SPEM1: variants seen among roughly 807,000 people sequenced by gnomAD.
SPEM1 encodes the protein spermatid maturation 1, also known as spermatid maturation protein 1.
In SPEM1, 10 loss-of-function variants were observed where a neutral mutation model predicts 9.0. The observed-to-expected ratio is 1.11, with a 90% CI of 0.68 to 1.88. The LOEUF is 1.88. Ranked by LOEUF, SPEM1 falls within the 40% of genes most tolerant of loss-of-function variation. The probability of loss-of-function intolerance (pLI) is 0.00; values close to 1 mark genes in which losing one functional copy is unlikely to be tolerated. For synonymous variants in SPEM1, 175 were observed against 157.8 expected (o/e 1.11, Z -0.82); for missense variants, 401 against 408.6 (o/e 0.98, Z 0.16).
rs766297218 is a variant in SPEM1 at position 7,421,437 on chromosome 17, C to T, written c.762C>T (p.His254=). 6.2e-7 allele frequency: 1 copy of T among 1,609,310 alleles called. No homozygotes were observed. Among genetic ancestry groups the T allele is most frequent in the Non-Finnish European group, 8.5e-7 (1 of 1,176,868 alleles). ...CAGTCATCCCTGAATTTTCCCGGCA[C>T]CGCTCCTCAGGCCGAATAGTGTATG... ...GPAVIPEFSR[H]RSSGRIVYDA... The change falls in exon 3 of 3, where the codon CAC becomes CAT. Residue 254 remains histidine (H), a synonymous_variant. Transcript: ENST00000323675. The surrounding 1 kb of genome is among the most constrained non-coding windows in gnomAD (Gnocchi z 4.8).
chr17:7,420,970 C>T lies in SPEM1; in HGVS notation c.295C>T (p.Pro99Ser). ...AGTCCATCTTCGGTGCACCATGGAC[C>T]CTGTGATGATGACTGTGTCCCCGCC... ...PAVHLRCTMDPVMMTVSPPPA... is the reference protein window; with the variant it reads ...PAVHLRCTMDSVMMTVSPPPA... Residue 99 changes from proline to serine, a missense_variant, in exon 3 of 3, where the codon CCT becomes TCT. Transcript: ENST00000323675. The T allele has an allele frequency of 6.2e-7, 1 of 1,614,086 alleles. No individual in the cohort carries two copies. The highest frequency in any genetic ancestry group is 8.5e-7 in the Non-Finnish European group (1 of 1,180,008).
chr17:7,421,522 G>A lies in SPEM1; in HGVS notation c.847G>A (p.Gly283Ser), dbSNP rs765266826. 1.3e-5 allele frequency: 21 copies of A among 1,602,216 alleles called. No homozygotes were observed. In the South Asian group the frequency reaches 1.6e-4, roughly 12 times the overall value. Reference sequence around the variant, plus strand: ...GACCCGGGAGGTGGAGGCCCTGTCCGGCTGCTACCCCCTAGCCTCTGGATC... The same window carrying A: ...GACCCGGGAGGTGGAGGCCCTGTCCAGCTGCTACCCCCTAGCCTCTGGATC... ...ELTREVEALS[G>S]CYPLASGSST... The change falls in exon 3 of 3, where the codon GGC (glycine) becomes AGC (serine). Residue 283 changes from glycine (G) to serine (S), a missense_variant. Physicochemically the swap from Gly to Ser is moderately conservative, Grantham distance 56. Transcript: ENST00000323675. The surrounding 1 kb of genome is among the most constrained non-coding windows in gnomAD (Gnocchi z 4.8).
At position 7,421,502 on chromosome 17, in the gene SPEM1, G is replaced by A. The variant is rs1322561086; in HGVS notation, c.827G>A (p.Arg276Gln). The change falls in exon 3 of 3, where the codon CGG becomes CAG. Residue 276 changes from arginine (R) to glutamine (Q), a missense_variant. Transcript: ENST00000323675. This position sits in a 1 kb window ranked among gnomAD's most constrained non-coding sequence, Gnocchi z 4.8. ...DMRRRLRELT[R>Q]EVEALSGCYP... ...AGACGGCGGCTTCGGGAACTGACCC[G>A]GGAGGTGGAGGCCCTGTCCGGCTGC... The A allele has an allele frequency of 1.2e-5, 19 of 1,608,774 alleles. No homozygotes were observed. The highest frequency in any genetic ancestry group is 5.0e-5 in the Admixed American group (3 of 59,852).
In SPEM1 at chr17:7,420,881, A is replaced by G; in HGVS notation, c.206A>G (p.Glu69Gly). The G allele has an allele frequency of 1.2e-6, 2 of 1,613,320 alleles. No homozygotes were observed. Among genetic ancestry groups the G allele is most frequent in the Non-Finnish European group, 1.7e-6 (2 of 1,179,770 alleles). The change falls in exon 3 of 3, where the codon GAA becomes GGA. Residue 69 changes from glutamate (E) to glycine (G), a missense_variant and splice_region_variant. Physicochemically the swap from Glu to Gly is moderately conservative, Grantham distance 98 (BLOSUM62 -2). Transcript: ENST00000323675. ...AGTCTCACCTCTCCCCCATCCACAG[A>G]AGCTCCCAAGTCATCATTACTCAGA... ...QVFHDTICEKEAPKSSLLRKQ... is the reference protein window; with the variant it reads ...QVFHDTICEKGAPKSSLLRKQ...
chr17:7,420,382 C>T lies in SPEM1; in HGVS notation c.-3C>T, dbSNP rs1316067872. ...TAAGGGCCCCGGTGGTCCTAGGGAC[C>T]CCATGGCCATGGTTGAGCGGCCGAG... On this transcript the variant is annotated 5_prime_UTR_variant, in exon 1 of 3. Coordinates refer to ENST00000323675, the MANE Select transcript of SPEM1 (RefSeq NM_199339.3). 2.0e-6 allele frequency: 3 copies of T among 1,514,426 alleles called. No homozygotes were observed. In the East Asian group the frequency reaches 7.2e-5, roughly 36 times the overall value. 93.8% of individuals were successfully genotyped at this position (1,514,426 alleles called of 1,614,324 possible).
chr17:7,421,178 C>G lies in SPEM1; in HGVS notation c.503C>G (p.Ser168Cys), dbSNP rs1285910234. 2.5e-6 allele frequency: 4 copies of G among 1,613,808 alleles called. No individual in the cohort carries two copies. Reference protein sequence around the residue: ...QHTQGTWVPWSQDAPESPPQT... With the variant: ...QHTQGTWVPWCQDAPESPPQT... ...ACTCAGGGGACCTGGGTTCCCTGGT[C>G]TCAGGATGCCCCAGAGTCCCCTCCC... is the stretch of plus-strand genomic sequence containing the variant. The change falls in exon 3 of 3, where the codon TCT becomes TGT. Residue 168 changes from serine (S) to cysteine (C), a missense_variant. Coordinates refer to ENST00000323675, the MANE Select transcript of SPEM1 (RefSeq NM_199339.3). The surrounding 1 kb of genome is among the most constrained non-coding windows in gnomAD (Gnocchi z 4.8).
Position 7,421,353 on chromosome 17 carries a change from G to A in SPEM1, c.678G>A (p.Ala226=), listed in dbSNP as rs369245182. 3.8e-5 allele frequency: 62 copies of A among 1,613,372 alleles called. No homozygotes were observed. The highest frequency in any genetic ancestry group is 1.3e-4 in the Admixed American group (8 of 59,960). The change falls in exon 3 of 3, where the codon GCG becomes GCA. Residue 226 remains alanine, a synonymous_variant. Transcript: ENST00000323675. This position sits in a 1 kb window ranked among gnomAD's most constrained non-coding sequence, Gnocchi z 4.8. ...GCCACAAGAACGGTGGGGAGGGGGC[G>A]GTGCCAGAGGCAGAGGCGGCTCAGT... ...APSHKNGGEG[A]VPEAEAAQYQ...
At position 7,421,346 on chromosome 17, in the gene SPEM1, A is replaced by AG. The variant is rs1907396250; in HGVS notation, c.676dup (p.Ala226GlyfsTer25). ...GCTCCTAGCCACAAGAACGGTGGGG[A>AG]GGGGGCGGTGCCAGAGGCAGAGGCG... On this transcript the variant is annotated frameshift_variant, in exon 3 of 3. Transcript: ENST00000323675. LOFTEE classifies it low-confidence loss of function (END_TRUNC). This position sits in a 1 kb window ranked among gnomAD's most constrained non-coding sequence, Gnocchi z 4.8. The AG allele has an allele frequency of 1.2e-6, 2 of 1,613,696 alleles. No individual in the cohort carries two copies. Among genetic ancestry groups the AG allele is most frequent in the East Asian group, 4.5e-5 (2 of 44,878 alleles).
chr17:7,421,234 G>A lies in SPEM1; in HGVS notation c.559G>A (p.Glu187Lys), dbSNP rs1414265254. Residue 187 changes from glutamate (E) to lysine (K), a missense_variant, in exon 3 of 3, where the codon GAA becomes AAA. Coordinates refer to ENST00000323675, the MANE Select transcript of SPEM1 (RefSeq NM_199339.3). This position sits in a 1 kb window ranked among gnomAD's most constrained non-coding sequence, Gnocchi z 4.8. ...CATCCGCTTCCAGCCTACCGTAGAG[G>A]AAAGGCCCCTCAAAACAGGCATATG... ...QTIRFQPTVE[E>K]RPLKTGIWSE... The A allele has an allele frequency of 1.2e-6, 2 of 1,614,158 alleles. No homozygotes were observed. Among genetic ancestry groups the A allele is most frequent in the Admixed American group, 3.3e-5 (2 of 60,022 alleles).
rs765723181 is a variant in SPEM1, at chr17:7,421,028, C to T, written c.353C>T (p.Pro118Leu). The T allele has an allele frequency of 1.1e-5, 18 of 1,614,150 alleles. No individual in the cohort carries two copies. The South Asian group carries it at 2.0e-4, about 18-fold the overall frequency. ...CACCGCCATCGCCGTCGAGGCTCTCCCACACGCTGTGCTCACTGCCCAGTA... is the reference window on the plus strand; with the variant it reads ...CACCGCCATCGCCGTCGAGGCTCTCTCACACGCTGTGCTCACTGCCCAGTA... ...PAHRHRRRGSPTRCAHCPVAW... is the reference protein window; with the variant it reads ...PAHRHRRRGSLTRCAHCPVAW... The change falls in exon 3 of 3, where the codon CCC (proline) becomes CTC (leucine). Residue 118 changes from proline to leucine, a missense_variant. Physicochemically the swap from Pro to Leu is moderately conservative, Grantham distance 98. Transcript: ENST00000323675. The surrounding 1 kb of genome is among the most constrained non-coding windows in gnomAD (Gnocchi z 4.8).
Position 7,421,239 on chromosome 17 carries a change from G to A in SPEM1, c.564G>A (p.Arg188=), listed in dbSNP as rs773704585. ...GCTTCCAGCCTACCGTAGAGGAAAG[G>A]CCCCTCAAAACAGGCATATGGTCCG... ...TIRFQPTVEE[R]PLKTGIWSEL... Residue 188 remains arginine (R), a synonymous_variant, in exon 3 of 3, where the codon AGG becomes AGA. Coordinates refer to ENST00000323675, the MANE Select transcript of SPEM1 (RefSeq NM_199339.3). This position sits in a 1 kb window ranked among gnomAD's most constrained non-coding sequence, Gnocchi z 4.8. 11 of 1,613,974 alleles carry A rather than the reference G, an allele frequency of 6.8e-6. No individual in the cohort carries two copies. Among genetic ancestry groups the A allele is most frequent in the Non-Finnish European group, 9.3e-6 (11 of 1,180,024 alleles).
chr17:7,420,515 A>G lies in SPEM1; in HGVS notation c.131A>G (p.Asn44Ser), dbSNP rs1907347452. 5 of 1,613,120 alleles carry G rather than the reference A, an allele frequency of 3.1e-6. No individual in the cohort carries two copies. Among genetic ancestry groups the G allele is most frequent in the South Asian group, 1.1e-5 (1 of 91,032 alleles). The change falls in exon 1 of 3, where the codon AAT (asparagine) becomes AGT (serine). Residue 44 changes from asparagine to serine, a missense_variant. Physicochemically the swap from Asn to Ser is conservative, Grantham distance 46. Coordinates refer to ENST00000323675, the MANE Select transcript of SPEM1 (RefSeq NM_199339.3). Reference protein sequence around the residue: ...GLIICINISINIVTLLWSRFR... With the variant: ...GLIICINISISIVTLLWSRFR... The stretch of plus-strand genomic sequence containing the variant: ...ATCATCTGCATTAACATTAGCATCA[A>G]TATAGTGACCCTGGTCAGGGTGGGG...
Position 7,421,337 on chromosome 17 carries a change from A to C in SPEM1, c.662A>C (p.Asn221Thr). 1 of 1,613,996 alleles carries C rather than the reference A, an allele frequency of 6.2e-7. No individual in the cohort carries two copies. The highest frequency in any genetic ancestry group is 8.5e-7 in the Non-Finnish European group (1 of 1,179,946). Reference protein sequence around the residue: ...PPSPEAPSHKNGGEGAVPEAE... With the variant: ...PPSPEAPSHKTGGEGAVPEAE... ...AGCCCTGAGGCTCCTAGCCACAAGA[A>C]CGGTGGGGAGGGGGCGGTGCCAGAG... The change falls in exon 3 of 3, where the codon AAC (asparagine) becomes ACC (threonine). Residue 221 changes from asparagine to threonine, a missense_variant. Transcript: ENST00000323675. The surrounding 1 kb of genome is among the most constrained non-coding windows in gnomAD (Gnocchi z 4.8).
chr17:7,420,821 G>A, intron 2 of SPEM1, 60 bp from the exon 3 acceptor site: 1 of 1,602,660 alleles, frequency 6.2e-7, no homozygotes, highest in Non-Finnish European at 8.5e-7. Context: ...CCTGGGCCCT[G>A]CCTCTCCATG....
chr17:7,420,627 C>A lies in SPEM1; in HGVS notation c.145C>A (p.Leu49Ile). Residue 49 changes from leucine to isoleucine, a missense_variant and splice_region_variant, in exon 2 of 3, where the codon CTC (leucine) becomes ATC (isoleucine). Coordinates refer to ENST00000323675, the MANE Select transcript of SPEM1 (RefSeq NM_199339.3). ...INISINIVTL[L>I]WSRFRGVLYQ... ...GATCACTGTGTCTTCCCCCACCTAG[C>A]TCTGGAGCCGATTCCGTGGTGTCTT... The A allele has an allele frequency of 3.7e-6, 6 of 1,614,162 alleles. No individual in the cohort carries two copies. Among genetic ancestry groups the A allele is most frequent in the Non-Finnish European group, 5.1e-6 (6 of 1,180,002 alleles).
chr17:7,420,898 T>G lies in SPEM1; in HGVS notation c.223T>G (p.Leu75Val). 6.2e-7 allele frequency: 1 copy of G among 1,613,860 alleles called. No individual in the cohort carries two copies. The highest frequency in any genetic ancestry group is 1.1e-5 in the South Asian group (1 of 91,050). Residue 75 changes from leucine (L) to valine (V), a missense_variant, in exon 3 of 3, where the codon TTA (leucine) becomes GTA (valine). By Grantham distance (32) the Leu-to-Val change is conservative. Coordinates refer to ENST00000323675, the MANE Select transcript of SPEM1 (RefSeq NM_199339.3). Reference sequence around the variant, plus strand: ...ATCCACAGAAGCTCCCAAGTCATCATTACTCAGAAAGCAGACCCAGCCCCC... The same window carrying G: ...ATCCACAGAAGCTCCCAAGTCATCAGTACTCAGAAAGCAGACCCAGCCCCC... Reference protein sequence around the residue: ...ICEKEAPKSSLLRKQTQPPKK... With the variant: ...ICEKEAPKSSVLRKQTQPPKK...
Position 7,421,370 on chromosome 17 carries a change from C to A in SPEM1, c.695C>A (p.Ala232Glu). 1 of 1,612,162 alleles carries A rather than the reference C, an allele frequency of 6.2e-7. No individual in the cohort carries two copies. Residue 232 changes from alanine to glutamate, a missense_variant, in exon 3 of 3, where the codon GCG (alanine) becomes GAG (glutamate). Transcript: ENST00000323675. This position sits in a 1 kb window ranked among gnomAD's most constrained non-coding sequence, Gnocchi z 4.8. ...GAGGGGGCGGTGCCAGAGGCAGAGG[C>A]GGCTCAGTACCAGCCTGTCCCAGCT... ...GGEGAVPEAE[A>E]AQYQPVPAPT...
Position 7,420,618 on chromosome 17 carries a change from C to G in SPEM1, c.145-9C>G, listed in dbSNP as rs1029425671. The G allele has an allele frequency of 6.8e-6, 11 of 1,614,016 alleles. No homozygotes were observed. The highest frequency in any genetic ancestry group is 9.3e-6 in the Non-Finnish European group (11 of 1,180,002). On this transcript the variant is annotated splice_polypyrimidine_tract_variant and intron_variant, in intron 1 of 2. Coordinates refer to ENST00000323675, the MANE Select transcript of SPEM1 (RefSeq NM_199339.3). The stretch of plus-strand genomic sequence containing the variant: ...CCTACCTGGGATCACTGTGTCTTCC[C>G]CCACCTAGCTCTGGAGCCGATTCCG...
chr17:7,420,820 T>C, intron 2 of SPEM1, 61 bp from the exon 3 acceptor site: 2 of 1,602,612 alleles, frequency 1.2e-6, no homozygotes, highest in African/African-American at 1.3e-5. Flanking sequence ...TCCTGGGCCC[T>C]GCCTCTCCAT....
Sources: gnomAD v4.1 joint callset for allele counts on GRCh38, gnomAD v4.1.1 for gene constraint, Gnocchi (gnomAD v3.1) non-coding constraint, MANE v1.5 for transcripts, NCBI Gene and HGNC (gene_info 2026-07-23, HGNC 2026-07-21) for gene names.